HERC4: variants seen among roughly 807,000 people sequenced by gnomAD.
HERC4 encodes HECT and RLD domain containing E3 ubiquitin protein ligase 4.
HERC4 carries 28 observed loss-of-function variants against 124.3 expected under a neutral mutation model. That is an observed-to-expected ratio of 0.23 (90% confidence interval 0.17 to 0.31). The LOEUF (loss-of-function observed/expected upper bound fraction) is 0.31. HERC4 is among the 10% of genes least tolerant of loss of function. The pLI is 1.00. For missense variants in HERC4, 713 were observed against 1,229.3 expected (o/e 0.58, Z 6.28); for synonymous variants, 407 against 421.5 (o/e 0.97, Z 0.42).
intron 15 of HERC4, among the ~76,000 whole-genome samples, chr10:67,982,059 T>C (rs1238862443): frequency 1.3e-5 from 2 of 152,194 alleles, no homozygotes; most frequent in Non-Finnish European, 1.5e-5. Context: ...TACAGATTCA[T>C]TGCAATCCTT....
At chr10:67,931,715 G>A (rs1258009252) in intron 23 of HERC4, among the ~76,000 whole-genome samples, 2 of 151,952 alleles carry the variant, frequency 1.3e-5, no homozygotes, top group African/African-American at 2.4e-5. Context: ...ATGAGCCATC[G>A]CGCCTGGCTT....
intron 23 of HERC4, among the ~76,000 whole-genome samples, 179 bp downstream of exon 23, chr10:67,932,418 T>A (rs1400404286): frequency 6.6e-6 from 1 of 152,182 alleles, no homozygotes; most frequent in Non-Finnish European, 1.5e-5. Flanking sequence ...CCACCAATTA[T>A]AATAGTGTCT....
intron 8 of HERC4, among the ~76,000 whole-genome samples, chr10:68,017,425 A>C (rs1414587197): frequency 6.6e-6 from 1 of 152,238 alleles, no homozygotes; most frequent in Admixed American, 6.5e-5. Flanking sequence ...TATGTCACTG[A>C]CATGTTGTTT....
chr10:68,039,528 A>G, intron 4 of HERC4: 1 of 1,549,018 alleles, frequency 6.5e-7, no homozygotes, highest in Non-Finnish European at 8.7e-7. Context: ...AAGGAGAGTT[A>G]CTCTGATTCC....
chr10:68,037,299 T>C (rs958983588), intron 5 of HERC4, among the ~76,000 whole-genome samples: 2 of 152,128 alleles, frequency 1.3e-5, no homozygotes, highest in Non-Finnish European at 1.5e-5. Flanking sequence ...TTTTACCATG[T>C]TGGCCAGGCT....
chr10:68,007,359 C>A (rs1396960904), intron 9 of HERC4, among the ~76,000 whole-genome samples: 1 of 152,086 alleles, frequency 6.6e-6, no homozygotes, highest in African/African-American at 2.4e-5. Flanking sequence ...GGATTCTGAA[C>A]TTCCTCTGTT....
chr10:67,997,015 C>A (rs1181072008), intron 9 of HERC4, among the ~76,000 whole-genome samples: 1 of 151,484 alleles, frequency 6.6e-6, no homozygotes, highest in Non-Finnish European at 1.5e-5. Flanking sequence ...AAAAGAAAAT[C>A]ATTATGACTT....
chr10:68,051,341 A>ATTTT (rs34027809), intron 3 of HERC4, among the ~76,000 whole-genome samples: 5 of 129,990 alleles, frequency 3.8e-5, no homozygotes, highest in Non-Finnish European at 6.6e-5. Flanking sequence ...TGTTAACACT[A>ATTTT]TTTTTTTTTT....
At chr10:67,941,646 C>G (rs11819155) in intron 19 of HERC4, among the ~76,000 whole-genome samples, 2 of 142,200 alleles carry the variant, frequency 1.4e-5, no homozygotes, top group Non-Finnish European at 3.1e-5. Context: ...TATTATGTCA[C>G]TAAATGTTCT....
chr10:67,965,248 C>T (rs528149035), intron 16 of HERC4: 1 of 152,270 alleles, frequency 6.6e-6, no homozygotes, highest in Non-Finnish European at 1.5e-5. Context: ...CCTATCTTTA[C>T]TAAGTCCCCT....
At chr10:68,029,755 T>G (rs951135958) in intron 7 of HERC4, among the ~76,000 whole-genome samples, 29 of 150,040 alleles carry the variant, frequency 1.9e-4, no homozygotes, top group African/African-American at 7.1e-4. Flanking sequence ...TGTTTTTTTT[T>G]TTTGAGACAG....
intron 9 of HERC4, among the ~76,000 whole-genome samples, chr10:67,996,315 A>T (rs72637093): frequency 3.6e-3 from 4 of 1,108 alleles, no homozygotes; most frequent in Non-Finnish European, 0.032. Flanking sequence ...TGAAATAGAC[A>T]CCCCCCCTGC....
intron 14 of HERC4, 23 bp downstream of exon 14, chr10:67,990,188 A>G (rs1159937959): frequency 6.4e-7 from 1 of 1,564,266 alleles, no homozygotes; most frequent in Non-Finnish European, 8.7e-7. Context: ...AGGTTTCAAA[A>G]GAAAAAATAT....
chr10:68,048,914 C>T (rs938294192), intron 3 of HERC4, among the ~76,000 whole-genome samples: 1 of 152,060 alleles, frequency 6.6e-6, no homozygotes, highest in African/African-American at 2.4e-5. Flanking sequence ...AGTTTGATAA[C>T]AGTTCATGGG....
intron 16 of HERC4, among the ~76,000 whole-genome samples, chr10:67,964,166 T>C (rs1374249577): frequency 6.6e-6 from 1 of 150,948 alleles, no homozygotes; most frequent in African/African-American, 2.4e-5. Flanking sequence ...TACTGCTTCC[T>C]TACCTCTAAA....
chr10:68,027,189 G>A (rs1021252881), intron 7 of HERC4, among the ~76,000 whole-genome samples: 2 of 152,016 alleles, frequency 1.3e-5, no homozygotes, highest in South Asian at 2.1e-4. Flanking sequence ...ATTTAATAGC[G>A]TTACTACATA....
chr10:67,923,143 C>T lies in HERC4; in HGVS notation c.2942-4G>A. ...CGATCACTACCTGTCAAAAATACTG[C>T]CAAGAAAGAAATCATTCAGTCAACC... On this transcript the variant is annotated splice_polypyrimidine_tract_variant and splice_region_variant and intron_variant, in intron 24 of 24. Coordinates refer to ENST00000373700, the MANE Select transcript of HERC4 (RefSeq NM_015601.4). 6 of 1,607,698 alleles carry T rather than the reference C, an allele frequency of 3.7e-6. No individual in the cohort carries two copies. The highest frequency in any genetic ancestry group is 1.1e-5 in the South Asian group (1 of 90,556).
At chr10:67,967,050 T>G (rs544996328) in intron 15 of HERC4, among the ~76,000 whole-genome samples, 17 of 152,272 alleles carry the variant, frequency 1.1e-4, no homozygotes, top group Non-Finnish European at 2.5e-4. Flanking sequence ...GAGACGGAGT[T>G]TCATCGTGTT....
chr10:68,006,014 T>C (rs2037523551), intron 9 of HERC4, among the ~76,000 whole-genome samples: 1 of 152,200 alleles, frequency 6.6e-6, no homozygotes, highest in African/African-American at 2.4e-5. Context: ...GATGACAAGT[T>C]TACTCTCATT....
Sources: allele counts gnomAD v4.1 joint callset (sites outside exome capture counted in the v4.1 genomes callset), GRCh38; gene constraint gnomAD v4.1.1; transcripts MANE v1.5; gene names NCBI Gene and HGNC (gene_info 2026-07-23, HGNC 2026-07-21).